Variants in LRBA observed in about 807,000 individuals in gnomAD.
LRBA encodes LPS responsive beige-like anchor protein.
LRBA carries 176 observed loss-of-function variants against 330.0 expected under a neutral mutation model. The observed-to-expected ratio is 0.53, with a 90% CI of 0.47 to 0.60. LRBA has a LOEUF of 0.60. Among genes scored for constraint, LRBA ranks in the 20% least tolerant of loss-of-function variants. The probability of loss-of-function intolerance (pLI) is 0.00; values close to 1 mark genes in which losing one functional copy is unlikely to be tolerated. For missense variants in LRBA, 3,259 were observed against 3,444.8 expected (o/e 0.95, Z 1.35); for synonymous variants, 1,230 against 1,193.0 (o/e 1.03, Z -0.64).
intron 4 of LRBA, among the ~76,000 whole-genome samples, chr4:150,923,206 T>C (rs989083497): frequency 4.0e-5 from 6 of 148,680 alleles, no homozygotes; most frequent in East Asian, 2.0e-4. Context: ...AAAACAACTA[T>C]ACTTTCACCA....
chr4:150,970,523 TTGTGTGTGTGTG>T (rs372306849), intron 2 of LRBA: 1 of 115,632 alleles, frequency 8.6e-6, no homozygotes, highest in African/African-American at 3.4e-5. Flanking sequence ...TAATATATAC[TTGTGTGTGTGTG>T]TGTGTGTGTG....
chr4:150,827,604 C>CT (rs1215325451), intron 30 of LRBA, among the ~76,000 whole-genome samples: 151 of 140,086 alleles, frequency 1.1e-3, no homozygotes, highest in South Asian at 3.2e-3. Context: ...CTTTTTTTTT[C>CT]TTTTTTTTTT....
At chr4:150,979,834 G>A (rs1024505007) in intron 2 of LRBA, among the ~76,000 whole-genome samples, 1 of 152,106 alleles carries the variant, frequency 6.6e-6, no homozygotes, top group African/African-American at 2.4e-5. Flanking sequence ...CCATAATAAA[G>A]TGTCTCACAG....
intron 22 of LRBA, among the ~76,000 whole-genome samples, chr4:150,861,330 T>A (rs2126958737): frequency 6.7e-6 from 1 of 149,280 alleles, no homozygotes; most frequent in Admixed American, 6.6e-5. Context: ...CTCACTATGT[T>A]GCCCAGGCTG....
chr4:150,706,916 C>A (rs1322957239), intron 36 of LRBA, among the ~76,000 whole-genome samples: 10 of 151,668 alleles, frequency 6.6e-5, no homozygotes, highest in Non-Finnish European at 1.2e-4. Context: ...ATAACCTATG[C>A]AAGTGACAAA....
chr4:150,898,100 A>T (rs939868590), intron 14 of LRBA, among the ~76,000 whole-genome samples: 1 of 152,124 alleles, frequency 6.6e-6, no homozygotes, highest in Non-Finnish European at 1.5e-5. Flanking sequence ...AAAATGAGGT[A>T]ACAAATAAAA....
At chr4:150,343,440 C>CT (rs1341927116) in intron 48 of LRBA, among the ~76,000 whole-genome samples, 6 of 152,186 alleles carry the variant, frequency 3.9e-5, no homozygotes, top group Non-Finnish European at 8.8e-5. Context: ...CAGACTTTGC[C>CT]TGTCTTGCTC....
intron 2 of LRBA, among the ~76,000 whole-genome samples, chr4:150,929,909 CTA>C (rs1191754807): frequency 6.6e-6 from 1 of 152,046 alleles, no homozygotes; most frequent in Admixed American, 6.5e-5. Context: ...TCAGAAATAG[CTA>C]CACACATGAT....
chr4:150,749,626 G>A (rs1201648558), intron 35 of LRBA, among the ~76,000 whole-genome samples: 1 of 152,150 alleles, frequency 6.6e-6, no homozygotes, highest in Non-Finnish European at 1.5e-5. Context: ...GCTGGGCATG[G>A]TGGCATGTGC....
intron 55 of LRBA, among the ~76,000 whole-genome samples, chr4:150,279,974 A>G (rs1307233148): frequency 6.6e-6 from 1 of 152,262 alleles, no homozygotes; most frequent in East Asian, 1.9e-4. Flanking sequence ...ATACTAAAAC[A>G]AAACCACTGA....
At chr4:150,588,209 C>T in intron 39 of LRBA, 25 bp from the exon 40 acceptor site, 15 of 1,554,276 alleles carry the variant, frequency 9.7e-6, no homozygotes, top group Non-Finnish European at 1.3e-5. Flanking sequence ...AGACAAGCCA[C>T]ACAAGTTGGA....
At chr4:150,404,669 A>G (rs769253673) in intron 47 of LRBA, among the ~76,000 whole-genome samples, 1 of 152,200 alleles carries the variant, frequency 6.6e-6, no homozygotes, top group Non-Finnish European at 1.5e-5. Context: ...AACTACTATT[A>G]GACAATCCTT....
At chr4:150,437,567 G>A (rs545305925) in intron 44 of LRBA, among the ~76,000 whole-genome samples, 183 of 147,042 alleles carry the variant, frequency 1.2e-3, no homozygotes, top group African/African-American at 4.2e-3. Flanking sequence ...TATATATATC[G>A]CATTAAAAAA....
At chr4:150,462,942 T>G (rs1581389300) in intron 44 of LRBA, among the ~76,000 whole-genome samples, 1 of 151,922 alleles carries the variant, frequency 6.6e-6, no homozygotes, top group East Asian at 1.9e-4. Flanking sequence ...TTCTTGAAAA[T>G]GTGTGTATAA....
intron 37 of LRBA, among the ~76,000 whole-genome samples, chr4:150,627,466 A>C (rs145421845): frequency 4.4e-4 from 67 of 152,168 alleles, no homozygotes; most frequent in Non-Finnish European, 8.1e-4. Flanking sequence ...TTTCTATAGA[A>C]CATCACTTGA....
At chr4:150,857,837 A>G (rs1342153136) in intron 22 of LRBA, among the ~76,000 whole-genome samples, 1 of 152,176 alleles carries the variant, frequency 6.6e-6, no homozygotes, top group African/African-American at 2.4e-5. Context: ...ATAACATTCA[A>G]ATGTTATATC....
chr4:150,641,425 C>T (rs767666883), intron 37 of LRBA, among the ~76,000 whole-genome samples: 9 of 152,100 alleles, frequency 5.9e-5, no homozygotes, highest in Non-Finnish European at 1.2e-4. Flanking sequence ...TTCTAATTTA[C>T]TCCACAAAAA....
chr4:150,910,972 T>C (rs1731926975), intron 9 of LRBA, among the ~76,000 whole-genome samples: 1 of 152,188 alleles, frequency 6.6e-6, no homozygotes, highest in Admixed American at 6.5e-5. Context: ...GTTTGCGTAA[T>C]TTTCAAACTG....
chr4:150,805,584 AGG>A (rs1328551163), intron 33 of LRBA, among the ~76,000 whole-genome samples: 7 of 136,748 alleles, frequency 5.1e-5, no homozygotes, highest in African/African-American at 2.1e-4. Flanking sequence ...AGGAAAGGAA[AGG>A]AAAGGAAAGG....
Sources: gnomAD v4.1 joint callset for allele counts (sites outside exome capture counted in the v4.1 genomes callset) on GRCh38, gnomAD v4.1.1 for gene constraint, MANE v1.5 for transcripts, NCBI Gene and HGNC (gene_info 2026-07-23, HGNC 2026-07-21) for gene names.